Variants in CSMD1 observed in about 807,000 individuals in gnomAD.
The protein encoded by CSMD1 is CUB and Sushi multiple domains 1.
Under a neutral mutation model 417.5 loss-of-function variants are expected in CSMD1, and 213 were observed. The ratio of observed to expected loss-of-function variants is 0.51; its 90% CI spans 0.46 to 0.57. The LOEUF (loss-of-function observed/expected upper bound fraction) is 0.57. Among genes scored for constraint, CSMD1 ranks in the 20% least tolerant of loss-of-function variants. The pLI, the probability that CSMD1 is intolerant of heterozygous loss-of-function variation, is 0.00. For synonymous variants in CSMD1, 2,862 were observed against 1,736.8 expected (o/e 1.65, Z -16.11); for missense variants, 6,923 against 4,529.7 (o/e 1.53, Z -15.17).
intron 49 of CSMD1, among the ~76,000 whole-genome samples, chr8:3,071,181 C>G (rs953371465): frequency 6.6e-6 from 1 of 152,192 alleles, no homozygotes; most frequent in African/African-American, 2.4e-5. Flanking sequence ...AGGCCCACCT[C>G]CAGCATTGGG....
At chr8:3,931,606 G>T (rs1188159519) in intron 5 of CSMD1, among the ~76,000 whole-genome samples, 1 of 149,688 alleles carries the variant, frequency 6.7e-6, no homozygotes, top group Non-Finnish European at 1.5e-5. Context: ...AAATCATTGC[G>T]CCAAGAGTTA....
chr8:3,741,879 A>G, intron 6 of CSMD1, among the ~76,000 whole-genome samples: 1 of 152,272 alleles, frequency 6.6e-6, no homozygotes, highest in South Asian at 2.1e-4. Context: ...TAAAGGTTCC[A>G]ATTCCTTACC....
At chr8:3,368,180 C>T (rs1268056216) in intron 19 of CSMD1, among the ~76,000 whole-genome samples, 6 of 151,952 alleles carry the variant, frequency 3.9e-5, no homozygotes. Context: ...GCTTAATTTC[C>T]TTCAGGGCAA....
chr8:4,991,425 C>G (rs1270597874), intron 1 of CSMD1, among the ~76,000 whole-genome samples: 3 of 152,234 alleles, frequency 2.0e-5, no homozygotes, highest in African/African-American at 2.4e-5. Context: ...CCCACAGTAA[C>G]GGGTTCCAGT....
intron 2 of CSMD1, among the ~76,000 whole-genome samples, chr8:4,513,027 G>C (rs1291681798): frequency 1.3e-5 from 2 of 152,166 alleles, no homozygotes; most frequent in Non-Finnish European, 2.9e-5. Flanking sequence ...GCAGAGCACA[G>C]ATAATTAAAC....
In CSMD1 at chr8:3,539,763, T is replaced by TAAAA. The variant is rs33938448; in HGVS notation, c.1344+35178_1344+35181dup. Among the ~76,000 whole-genome samples the TAAAA allele has an allele frequency of 6.9e-5, 9 of 129,738 alleles. No individual in the cohort carries two copies. In the South Asian group the frequency reaches 7.2e-4, roughly 10 times the overall value. 85.1% of individuals were successfully genotyped at this position (129,738 alleles called of 152,430 possible). ...AGAATCTCTAGCCCTTTCTTTATGA[T>TAAAA]AAAAAAAAAAAAAAACACAAGAAAG... is the stretch of plus-strand genomic sequence containing the variant. On this transcript the variant is annotated intron_variant, in intron 10 of 69. Coordinates refer to ENST00000635120, the MANE Select transcript of CSMD1 (RefSeq NM_033225.6).
chr8:4,611,174 T>C (rs1330632757), intron 2 of CSMD1, among the ~76,000 whole-genome samples: 1 of 152,206 alleles, frequency 6.6e-6, no homozygotes, highest in African/African-American at 2.4e-5. Context: ...TATGGGTTTA[T>C]AGATACATCT....
intron 7 of CSMD1, among the ~76,000 whole-genome samples, chr8:3,686,231 T>C (rs1186810627): frequency 6.6e-6 from 1 of 152,200 alleles, no homozygotes; most frequent in Non-Finnish European, 1.5e-5. Flanking sequence ...CTTGAGTTAC[T>C]GACTTCGTGG....
At chr8:4,255,658 T>C (rs1318768569) in intron 3 of CSMD1, among the ~76,000 whole-genome samples, 1 of 152,234 alleles carries the variant, frequency 6.6e-6, no homozygotes, top group African/African-American at 2.4e-5. Context: ...TTTTGGACTT[T>C]GCTAATATGT....
chr8:3,033,593 C>T (rs926189871), intron 50 of CSMD1, among the ~76,000 whole-genome samples: 1 of 151,888 alleles, frequency 6.6e-6, no homozygotes, highest in Non-Finnish European at 1.5e-5. Context: ...ACACCAGGGC[C>T]TGTCGGGAGG....
chr8:3,285,990 C>T (rs1803124519), intron 25 of CSMD1, among the ~76,000 whole-genome samples: 1 of 152,094 alleles, frequency 6.6e-6, no homozygotes, highest in Non-Finnish European at 1.5e-5. Flanking sequence ...CCACTTCCCA[C>T]AACAGGCCCC....
chr8:3,864,315 G>C (rs1804930549), intron 5 of CSMD1, among the ~76,000 whole-genome samples: 1 of 152,080 alleles, frequency 6.6e-6, no homozygotes, highest in African/African-American at 2.4e-5. Context: ...TTTCCTATGA[G>C]AGGACAGTTA....
chr8:3,891,320 G>A (rs745626111), intron 5 of CSMD1, among the ~76,000 whole-genome samples: 5 of 152,072 alleles, frequency 3.3e-5, no homozygotes, highest in African/African-American at 4.8e-5. Flanking sequence ...AAAGTGCTGG[G>A]ATTACAGGCG....
chr8:3,908,131 A>T lies in CSMD1; in HGVS notation c.818+89772T>A, dbSNP rs373771943. On this transcript the variant is annotated intron_variant, in intron 5 of 69. Transcript: ENST00000635120. ...TTTATGGAGCCCCTCTGAGAATAAC[A>T]AATACATGGCAATCACTATAAACCT... 3.5e-4 allele frequency among the ~76,000 whole-genome samples: 54 copies of T among 152,278 alleles called. No homozygotes were observed. In the South Asian group the frequency reaches 4.4e-3, roughly 12 times the overall value.
At chr8:3,107,655 T>A (rs1157710200) in intron 45 of CSMD1, 63 bp downstream of exon 45, 2 of 893,516 alleles carry the variant, frequency 2.2e-6, no homozygotes, top group Non-Finnish European at 3.6e-6. Flanking sequence ...ATGATTACAA[T>A]GAGAAGTGGG....
intron 5 of CSMD1, among the ~76,000 whole-genome samples, chr8:3,926,024 CACACACACACACACACACAA>C (rs1809643182): frequency 8.4e-6 from 1 of 118,378 alleles, no homozygotes; most frequent in Non-Finnish European, 1.7e-5. Context: ...TACACACACA[CACACACACACACACACACAA>C]ACACCATATA....
At chr8:3,269,528 G>A (rs1331924149) in intron 26 of CSMD1, among the ~76,000 whole-genome samples, 2 of 152,218 alleles carry the variant, frequency 1.3e-5, no homozygotes, top group Non-Finnish European at 2.9e-5. Flanking sequence ...TTTCAATAAA[G>A]TAGGGAGAGG....
At chr8:4,341,473 G>C (rs986171343) in intron 3 of CSMD1, among the ~76,000 whole-genome samples, 1 of 152,072 alleles carries the variant, frequency 6.6e-6, no homozygotes, top group African/African-American at 2.4e-5. Context: ...TATTCTCTGT[G>C]ATCAAAGGAC....
chr8:3,785,278 G>C (rs1799394972), intron 5 of CSMD1, among the ~76,000 whole-genome samples: 1 of 152,214 alleles, frequency 6.6e-6, no homozygotes, highest in South Asian at 2.1e-4. Context: ...AAGCACGACA[G>C]AAGCATTTAT....
Sources: gnomAD v4.1 joint callset for allele counts (sites outside exome capture counted in the v4.1 genomes callset) on GRCh38, gnomAD v4.1.1 for gene constraint, MANE v1.5 for transcripts, NCBI Gene and HGNC (gene_info 2026-07-23, HGNC 2026-07-21) for gene names.